WWTR1: variants seen among roughly 807,000 people sequenced by gnomAD.
WWTR1 encodes the protein WW domain-containing transcription regulator protein 1.
WWTR1 carries 13 observed loss-of-function variants against 40.1 expected under a neutral mutation model. The observed-to-expected ratio is 0.32, with a 90% CI of 0.21 to 0.52. The LOEUF is 0.52. WWTR1 is among the 20% of genes least tolerant of loss of function. The probability of loss-of-function intolerance (pLI) is 0.97; values close to 1 mark genes in which losing one functional copy is unlikely to be tolerated. For synonymous variants in WWTR1, 230 were observed against 210.1 expected (o/e 1.09, Z -0.82); for missense variants, 436 against 523.1 (o/e 0.83, Z 1.63).
chr3:149,691,339 T>C (rs1714820331), intron 1 of WWTR1, among the ~76,000 whole-genome samples: 2 of 150,542 alleles, frequency 1.3e-5, no homozygotes, highest in Admixed American at 6.6e-5. Flanking sequence ...AAAAATGAAA[T>C]TTAAAAAACA....
chr3:149,692,523 T>G (rs1220712493), intron 1 of WWTR1, among the ~76,000 whole-genome samples: 1 of 152,186 alleles, frequency 6.6e-6, no homozygotes. Context: ...AAGCCATATA[T>G]GACAGACCCA....
At position 149,685,071 on chromosome 3, in the gene WWTR1, C is replaced by T. The variant is rs114447223; in HGVS notation, c.-107-15180G>A. Among the ~76,000 whole-genome samples the T allele has an allele frequency of 4.5e-3, 686 of 152,260 alleles. 4 individuals carry two copies. The highest frequency in any genetic ancestry group is 0.016 in the African/African-American group (645 of 41,546). On this transcript the variant is annotated intron_variant, in intron 1 of 7. Transcript: ENST00000465804. ...ATACTTGAAATGTAATCATCTCCTCCATCAATTTACTGTTTCGCTATTCCC... is the reference window on the plus strand; with the variant it reads ...ATACTTGAAATGTAATCATCTCCTCTATCAATTTACTGTTTCGCTATTCCC...
chr3:149,530,121 G>C (rs541715206), intron 4 of WWTR1, among the ~76,000 whole-genome samples: 19 of 152,252 alleles, frequency 1.2e-4, no homozygotes, highest in Admixed American at 9.8e-4. Flanking sequence ...GCTGAGGCGG[G>C]TGGATCACGA....
chr3:149,533,098 T>C (rs1458051151), intron 4 of WWTR1, among the ~76,000 whole-genome samples: 1 of 152,180 alleles, frequency 6.6e-6, no homozygotes, highest in Non-Finnish European at 1.5e-5. Flanking sequence ...GTTAAACATG[T>C]ATATTCACAG....
chr3:149,549,376 A>G (rs188218848), intron 3 of WWTR1, among the ~76,000 whole-genome samples: 220 of 152,324 alleles, frequency 1.4e-3, no homozygotes, highest in Non-Finnish European at 1.4e-3. Flanking sequence ...TTCCTCCAAA[A>G]ACCTATAACT....
chr3:149,551,199 C>T (rs140660259), intron 3 of WWTR1, among the ~76,000 whole-genome samples: 1,526 of 143,650 alleles, frequency 0.011, 252 homozygotes, highest in African/African-American at 0.039. Flanking sequence ...CGGGAGTCTG[C>T]GGCAGGAGAA....
intron 2 of WWTR1, among the ~76,000 whole-genome samples, chr3:149,574,822 C>A (rs906493097): frequency 6.7e-6 from 1 of 149,952 alleles, no homozygotes; most frequent in Admixed American, 6.6e-5. Flanking sequence ...AGGCCGGGGG[C>A]GGTGGCTCAC....
At chr3:149,706,988 C>A (rs1715350330), upstream of WWTR1, among the ~76,000 whole-genome samples, 3 of 152,146 alleles carry the variant, frequency 2.0e-5, no homozygotes, top group Admixed American at 2.0e-4. Context: ...ACCCCCCAAC[C>A]CCAATACTGA....
intron 2 of WWTR1, among the ~76,000 whole-genome samples, chr3:149,636,526 G>A (rs1464395730): frequency 1.3e-5 from 2 of 151,968 alleles, no homozygotes; most frequent in Non-Finnish European, 2.9e-5. Context: ...TGATTTTTTA[G>A]AATTTATAGT....
At chr3:149,604,712 T>C (rs1739406507) in intron 2 of WWTR1, among the ~76,000 whole-genome samples, 1 of 152,216 alleles carries the variant, frequency 6.6e-6, no homozygotes, top group African/African-American at 2.4e-5. Context: ...GCTGCTGGCC[T>C]TCCGTGTGCT....
intron 2 of WWTR1, among the ~76,000 whole-genome samples, chr3:149,608,790 G>A (rs11717473): frequency 0.019 from 2,906 of 152,120 alleles, 32 homozygotes; most frequent in Middle Eastern, 0.027. Flanking sequence ...AGTGGCTCAC[G>A]CGCTATAATC....
intron 4 of WWTR1, among the ~76,000 whole-genome samples, chr3:149,535,061 ACT>A (rs976909123): frequency 6.6e-6 from 1 of 152,066 alleles, no homozygotes; most frequent in Non-Finnish European, 1.5e-5. Context: ...CTGAGGGAAC[ACT>A]CTGCCAGCCA....
At chr3:149,587,499 A>T (rs1181218627) in intron 2 of WWTR1, among the ~76,000 whole-genome samples, 2 of 152,194 alleles carry the variant, frequency 1.3e-5, no homozygotes, top group Non-Finnish European at 2.9e-5. Flanking sequence ...TGGTCACACC[A>T]CGGTGTAATA....
chr3:149,517,583 A>T lies in WWTR1; in HGVS notation c.*3222T>A, dbSNP rs1432107180. 6.6e-6 allele frequency: 1 copy of T among 152,210 alleles called. No homozygotes were observed. The highest frequency in any genetic ancestry group is 6.5e-5 in the Admixed American group (1 of 15,280). The allele number at this position is 152,210 out of a possible 1,614,324, so 9.4% of individuals were successfully genotyped here. ...CGTCATGAGAACACAACTTGTAATT[A>T]GCAACACTTCTGTCAGTCTAGATCA... On this transcript the variant is annotated 3_prime_UTR_variant, in exon 7 of 7. Transcript: ENST00000360632.
chr3:149,704,802 G>GA (rs1300181988), upstream of WWTR1, among the ~76,000 whole-genome samples: 2 of 147,138 alleles, frequency 1.4e-5, no homozygotes, highest in African/African-American at 5.0e-5. Context: ...TCAGACATCT[G>GA]AAAAAAGCCC....
chr3:149,538,198 G>A (rs1014879746), intron 4 of WWTR1, among the ~76,000 whole-genome samples: 8 of 152,082 alleles, frequency 5.3e-5, no homozygotes, highest in South Asian at 2.1e-4. Flanking sequence ...GGGATTACAC[G>A]CGTCAGCCAC....
At chr3:149,620,549 C>A (rs1480081537) in intron 2 of WWTR1, among the ~76,000 whole-genome samples, 1 of 41,820 alleles carries the variant, frequency 2.4e-5, no homozygotes, top group Non-Finnish European at 4.0e-5. Context: ...TTCTTCTGCA[C>A]CCCTCCTCCA....
intron 2 of WWTR1, among the ~76,000 whole-genome samples, chr3:149,589,646 G>GTT (rs11388564): frequency 0.025 from 3,580 of 145,122 alleles, 127 homozygotes; most frequent in African/African-American, 0.079. Flanking sequence ...CTTTCCATGA[G>GTT]TTTTTTTTTT....
At chr3:149,691,028 A>C (rs1714808142) in intron 1 of WWTR1, among the ~76,000 whole-genome samples, 1 of 152,196 alleles carries the variant, frequency 6.6e-6, no homozygotes, top group South Asian at 2.1e-4. Flanking sequence ...AAACAACTTT[A>C]AAGATTTCTT....
Sources: allele counts gnomAD v4.1 joint callset (sites outside exome capture counted in the v4.1 genomes callset), GRCh38; gene constraint gnomAD v4.1.1; transcripts MANE v1.5; gene names NCBI Gene and HGNC (gene_info 2026-07-23, HGNC 2026-07-21).